The following CLSTN2 variants were observed in gnomAD, a reference collection of about 807,000 sequenced individuals.
CLSTN2 encodes calsyntenin-2.
A neutral mutation model predicts 101.2 loss-of-function variants in CLSTN2; 48 were observed. That is an observed-to-expected ratio of 0.47 (90% CI 0.38 to 0.60). The LOEUF is 0.60. Among genes scored for constraint, CLSTN2 ranks in the 20% least tolerant of loss-of-function variants. The probability of loss-of-function intolerance (pLI) is 0.00; values close to 1 mark genes in which losing one functional copy is unlikely to be tolerated. For missense variants in CLSTN2, 1,160 were observed against 1,238.2 expected (o/e 0.94, Z 0.95); for synonymous variants, 481 against 463.6 (o/e 1.04, Z -0.48).
intron 2 of CLSTN2, among the ~76,000 whole-genome samples, chr3:140,179,639 A>C (rs983114757): frequency 6.7e-6 from 1 of 148,850 alleles, no homozygotes; most frequent in Non-Finnish European, 1.5e-5. Flanking sequence ...AAAAAAAAAA[A>C]AAAAAAAAAA....
At chr3:140,508,775 G>A (rs1934735608) in intron 8 of CLSTN2, 1 of 152,208 alleles carries the variant, frequency 6.6e-6, no homozygotes, top group Non-Finnish European at 1.5e-5. Context: ...CCAGGGCCCT[G>A]ACAGACAGCA....
At chr3:140,543,317 A>G (rs1045794953) in intron 9 of CLSTN2, among the ~76,000 whole-genome samples, 7 of 152,160 alleles carry the variant, frequency 4.6e-5, no homozygotes, top group South Asian at 2.1e-4. Context: ...GGCTTGAAGG[A>G]GTACTTTATG....
At chr3:140,322,945 G>C (rs1389658560) in intron 2 of CLSTN2, among the ~76,000 whole-genome samples, 1 of 152,210 alleles carries the variant, frequency 6.6e-6, no homozygotes, top group African/African-American at 2.4e-5. Flanking sequence ...ACCTCATGCT[G>C]GGTTGATTTT....
chr3:140,004,615 A>G (rs1560067451), intron 1 of CLSTN2, among the ~76,000 whole-genome samples: 1 of 152,194 alleles, frequency 6.6e-6, no homozygotes, highest in Admixed American at 6.5e-5. Flanking sequence ...ATTTACTAAC[A>G]TAGTGGAGAT....
intron 1 of CLSTN2, among the ~76,000 whole-genome samples, chr3:139,950,837 G>T (rs937710342): frequency 9.9e-5 from 15 of 152,196 alleles, no homozygotes; most frequent in African/African-American, 3.1e-4. Context: ...TGAATTAGAT[G>T]CTTGTTGTCA....
intron 1 of CLSTN2, among the ~76,000 whole-genome samples, chr3:140,085,710 C>T (rs1160459407): frequency 2.0e-5 from 3 of 152,132 alleles, no homozygotes; most frequent in Non-Finnish European, 4.4e-5. Flanking sequence ...CCATTGTTGG[C>T]CCCAGGATCT....
intron 2 of CLSTN2, among the ~76,000 whole-genome samples, chr3:140,313,786 C>G (rs1166290547): frequency 6.6e-6 from 1 of 152,190 alleles, no homozygotes; most frequent in Non-Finnish European, 1.5e-5. Flanking sequence ...GTGCACTGAT[C>G]TCCAAATCAT....
At chr3:140,226,239 G>C (rs1048734383) in intron 2 of CLSTN2, among the ~76,000 whole-genome samples, 2 of 152,180 alleles carry the variant, frequency 1.3e-5, no homozygotes, top group Non-Finnish European at 2.9e-5. Context: ...GAGGGAAGTA[G>C]ATGTGGCTAT....
At chr3:140,344,437 C>T (rs532993109) in intron 2 of CLSTN2, among the ~76,000 whole-genome samples, 1 of 152,278 alleles carries the variant, frequency 6.6e-6, no homozygotes, top group South Asian at 2.1e-4. Flanking sequence ...CAGAGACAAC[C>T]CCAGGAGGCA....
At chr3:140,529,495 T>A (rs903080606) in intron 8 of CLSTN2, among the ~76,000 whole-genome samples, 1 of 152,222 alleles carries the variant, frequency 6.6e-6, no homozygotes, top group Non-Finnish European at 1.5e-5. Context: ...ATTTTCTTCT[T>A]TCTTGGTTGA....
intron 1 of CLSTN2, among the ~76,000 whole-genome samples, chr3:140,089,533 C>T (rs1297457523): frequency 6.6e-6 from 1 of 152,060 alleles, no homozygotes; most frequent in African/African-American, 2.4e-5. Context: ...AGAAATAAAG[C>T]CCCGTGTTTT....
chr3:140,140,998 A>G (rs1390736273), intron 1 of CLSTN2, among the ~76,000 whole-genome samples: 1 of 152,242 alleles, frequency 6.6e-6, no homozygotes, highest in Non-Finnish European at 1.5e-5. Flanking sequence ...GGGACTGATC[A>G]AGGGCCCAAA....
At chr3:140,309,029 T>G (rs900141525) in intron 2 of CLSTN2, among the ~76,000 whole-genome samples, 1 of 152,250 alleles carries the variant, frequency 6.6e-6, no homozygotes, top group Non-Finnish European at 1.5e-5. Context: ...TTCATTTGTT[T>G]ATTTAACAAA....
intron 1 of CLSTN2, among the ~76,000 whole-genome samples, chr3:140,085,870 C>T (rs1485924824): frequency 6.6e-6 from 1 of 152,104 alleles, no homozygotes. Context: ...TTCACCGGAT[C>T]CTATGCTTTA....
chr3:140,553,662 G>C (rs1935748757), intron 10 of CLSTN2, among the ~76,000 whole-genome samples: 1 of 152,180 alleles, frequency 6.6e-6, no homozygotes, highest in Non-Finnish European at 1.5e-5. Flanking sequence ...TTTCTGCATA[G>C]AATGCTGCAA....
At chr3:140,113,471 C>T (rs759556408) in intron 1 of CLSTN2, among the ~76,000 whole-genome samples, 1 of 152,200 alleles carries the variant, frequency 6.6e-6, no homozygotes, top group Non-Finnish European at 1.5e-5. Flanking sequence ...TTGTCTGAGC[C>T]GTCTCAGGCC....
chr3:140,411,332 G>T (rs1052804807), intron 4 of CLSTN2, among the ~76,000 whole-genome samples: 1 of 152,116 alleles, frequency 6.6e-6, no homozygotes, highest in African/African-American at 2.4e-5. Flanking sequence ...AGACAAAGAA[G>T]GTCATTATAT....
At chr3:140,557,808 G>A (rs2107791935) in intron 11 of CLSTN2, among the ~76,000 whole-genome samples, 1 of 152,176 alleles carries the variant, frequency 6.6e-6, no homozygotes, top group East Asian at 1.9e-4. Flanking sequence ...ACATCTAGAT[G>A]ACCAGGGGAG....
chr3:140,431,082 A>G lies in CLSTN2; in HGVS notation c.787+9808A>G, dbSNP rs542370017. Among the ~76,000 whole-genome samples, 5 of 152,354 alleles carry G rather than the reference A, an allele frequency of 3.3e-5. No homozygotes were observed. In the East Asian group the frequency reaches 9.6e-4, roughly 29 times the overall value. ...ATGTATTTAACTTTTCAGTTACCTTATCTATAAGATGGTGATGAGACTTAC... is the reference window on the plus strand; with the variant it reads ...ATGTATTTAACTTTTCAGTTACCTTGTCTATAAGATGGTGATGAGACTTAC... On this transcript the variant is annotated intron_variant, in intron 5 of 16. Coordinates refer to ENST00000458420, the MANE Select transcript of CLSTN2 (RefSeq NM_022131.3).
Sources: gnomAD v4.1 joint callset for allele counts (sites outside exome capture counted in the v4.1 genomes callset) on GRCh38, gnomAD v4.1.1 for gene constraint, MANE v1.5 for transcripts, NCBI Gene and HGNC (gene_info 2026-07-23, HGNC 2026-07-21) for gene names.